Variants in FRMD3 observed in about 807,000 individuals in gnomAD.
FRMD3 encodes FERM domain containing 3.
FRMD3 carries 33 observed loss-of-function variants against 70.2 expected under a neutral mutation model. The ratio of observed to expected loss-of-function variants is 0.47; its 90% CI spans 0.36 to 0.63. The LOEUF (loss-of-function observed/expected upper bound fraction) is 0.63. Among genes scored for constraint, FRMD3 ranks in the 20% least tolerant of loss-of-function variants. FRMD3 has a pLI of 0.00. For synonymous variants in FRMD3, 279 were observed against 255.9 expected, an observed-to-expected ratio of 1.09 and a Z score of -0.86; for missense variants, 632 against 711.4, an observed-to-expected ratio of 0.89 and a Z score of 1.27.
intron 1 of FRMD3, among the ~76,000 whole-genome samples, chr9:83,461,440 T>G (rs1827967942): frequency 6.6e-6 from 1 of 152,032 alleles, no homozygotes; most frequent in Non-Finnish European, 1.5e-5. Context: ...AGCATCAGTG[T>G]AAAACTAACA....
chr9:83,310,558 G>A lies in FRMD3; in HGVS notation c.774-10C>T, dbSNP rs1448454594. 6.3e-7 allele frequency: 1 copy of A among 1,584,658 alleles called. No individual in the cohort carries two copies. Among genetic ancestry groups the A allele is most frequent in the African/African-American group, 1.4e-5 (1 of 72,828 alleles). ...TTTGCAGACATCTGGCCTAAGAAAAGAAAATCTCTGGGTAAGAAGAAAAAA... is the reference window on the plus strand; with the variant it reads ...TTTGCAGACATCTGGCCTAAGAAAAAAAAATCTCTGGGTAAGAAGAAAAAA... On this transcript the variant is annotated splice_polypyrimidine_tract_variant and intron_variant, in intron 8 of 13. Transcript: ENST00000304195.
chr9:83,284,144 A>G (rs1450315695), intron 13 of FRMD3, among the ~76,000 whole-genome samples: 1 of 141,324 alleles, frequency 7.1e-6, no homozygotes, highest in African/African-American at 2.7e-5. Context: ...CTAGCTTTAT[A>G]ATGAAAAATA....
intron 3 of FRMD3, among the ~76,000 whole-genome samples, chr9:83,369,581 TA>T (rs1249643069): frequency 3.1e-5 from 2 of 65,474 alleles, no homozygotes; most frequent in African/African-American, 1.3e-4. Flanking sequence ...TGTCTCAAAA[TA>T]AATAAATAAA....
At chr9:83,521,937 G>T (rs991024725) in intron 1 of FRMD3, among the ~76,000 whole-genome samples, 12 of 152,196 alleles carry the variant, frequency 7.9e-5, no homozygotes, top group Admixed American at 7.9e-4. Context: ...GCTCATCTCA[G>T]GTATCATCTA....
intron 1 of FRMD3, among the ~76,000 whole-genome samples, chr9:83,494,474 C>A (rs1030047396): frequency 2.0e-5 from 3 of 152,114 alleles, no homozygotes; most frequent in African/African-American, 7.2e-5. Context: ...CCCCACTGGC[C>A]CCCTGCCATA....
At chr9:83,369,305 G>C (rs936737986) in intron 3 of FRMD3, among the ~76,000 whole-genome samples, 23 of 152,174 alleles carry the variant, frequency 1.5e-4, no homozygotes, top group African/African-American at 1.4e-4. Context: ...GCCGGGCACA[G>C]TGGCTCACAC....
intron 3 of FRMD3, among the ~76,000 whole-genome samples, chr9:83,357,240 TACATACATATATATATATATA>T (rs1824397482): frequency 1.3e-4 from 1 of 7,572 alleles, no homozygotes; most frequent in African/African-American, 5.2e-4. Flanking sequence ...ATATATATAA[TACATACATATATATATATATA>T]TATATATATA....
At chr9:83,492,181 C>T (rs774350976) in intron 1 of FRMD3, among the ~76,000 whole-genome samples, 4 of 152,140 alleles carry the variant, frequency 2.6e-5, no homozygotes, top group Admixed American at 6.5e-5. Flanking sequence ...AATGTCCTAA[C>T]AGAGGATGAT....
At chr9:83,396,317 T>C (rs773524489) in intron 1 of FRMD3, among the ~76,000 whole-genome samples, 3 of 152,208 alleles carry the variant, frequency 2.0e-5, no homozygotes, top group Non-Finnish European at 4.4e-5. Flanking sequence ...GAAAAGGCAG[T>C]TTTATAAAAT....
chr9:83,332,252 G>A (rs1051376425), intron 6 of FRMD3, among the ~76,000 whole-genome samples: 3 of 152,172 alleles, frequency 2.0e-5, no homozygotes, highest in Admixed American at 2.0e-4. Context: ...GGACTCAGAA[G>A]AAGAAACATT....
intron 1 of FRMD3, among the ~76,000 whole-genome samples, chr9:83,503,435 A>G (rs1829116734): frequency 6.6e-6 from 1 of 152,214 alleles, no homozygotes; most frequent in Admixed American, 6.5e-5. Context: ...AAATGGAGAC[A>G]TCAGTTCTAC....
the FRMD3 span, among the ~76,000 whole-genome samples, chr9:83,545,356 G>GTTT: frequency 1.7e-4 from 20 of 117,602 alleles, no homozygotes; most frequent in South Asian, 5.8e-4. Context: ...GTTTTTTTTT[G>GTTT]TTTTTTTTTT....
chr9:83,326,305 C>T (rs765812517), intron 6 of FRMD3, among the ~76,000 whole-genome samples: 2 of 152,064 alleles, frequency 1.3e-5, no homozygotes, highest in Non-Finnish European at 2.9e-5. Context: ...TGGCTGAAGT[C>T]AGAAATACTG....
chr9:83,323,248 T>C (rs1403957657), intron 6 of FRMD3, among the ~76,000 whole-genome samples: 1 of 152,208 alleles, frequency 6.6e-6, no homozygotes, highest in East Asian at 1.9e-4. Flanking sequence ...GTGTTATTTG[T>C]AATAGCAAAA....
chr9:83,258,648 C>T (rs1832838343), intron 13 of FRMD3, among the ~76,000 whole-genome samples: 1 of 152,214 alleles, frequency 6.6e-6, no homozygotes, highest in Non-Finnish European at 1.5e-5. Flanking sequence ...CTGCAATTTG[C>T]ACTTAACTTT....
intron 1 of FRMD3, among the ~76,000 whole-genome samples, chr9:83,469,055 C>T (rs1164589169): frequency 6.6e-6 from 1 of 152,252 alleles, no homozygotes; most frequent in Non-Finnish European, 1.5e-5. Context: ...CTAATCCAGG[C>T]ATGCTGCCCC....
At chr9:83,523,987 A>T (rs921492678) in intron 1 of FRMD3, among the ~76,000 whole-genome samples, 6 of 152,218 alleles carry the variant, frequency 3.9e-5, no homozygotes, top group African/African-American at 1.4e-4. Context: ...CCTGAAGTGT[A>T]TTTTCCATCC....
intron 1 of FRMD3, among the ~76,000 whole-genome samples, chr9:83,516,467 T>C (rs1256241111): frequency 6.6e-6 from 1 of 152,188 alleles, no homozygotes; most frequent in African/African-American, 2.4e-5. Flanking sequence ...CCCAGATTCA[T>C]AAAGCAAGTT....
chr9:83,532,920 G>T (rs1829818713), intron 1 of FRMD3, among the ~76,000 whole-genome samples: 1 of 152,162 alleles, frequency 6.6e-6, no homozygotes, highest in Non-Finnish European at 1.5e-5. Flanking sequence ...TCATAATCAT[G>T]GAGACTATAG....
Sources: allele counts gnomAD v4.1 joint callset (sites outside exome capture counted in the v4.1 genomes callset), GRCh38; gene constraint gnomAD v4.1.1; transcripts MANE v1.5; gene names NCBI Gene and HGNC (gene_info 2026-07-23, HGNC 2026-07-21).